The following HUNK variants were observed in gnomAD, a reference collection of about 807,000 sequenced individuals.
The protein encoded by HUNK is hormonally up-regulated neu tumor-associated kinase.
HUNK carries 21 observed loss-of-function variants against 61.0 expected under a neutral mutation model. That is an observed-to-expected ratio of 0.34 (90% CI 0.24 to 0.50). The LOEUF is 0.50. Ranked by LOEUF, HUNK falls within the 20% of genes least tolerant of loss-of-function variation. The pLI is 0.98. For missense variants in HUNK, 772 were observed against 945.7 expected, an observed-to-expected ratio of 0.82 and a Z score of 2.41; for synonymous variants, 371 against 386.1, an observed-to-expected ratio of 0.96 and a Z score of 0.46.
At chr21:31,886,081 G>T (rs943629584) in intron 1 of HUNK, among the ~76,000 whole-genome samples, 2 of 152,062 alleles carry the variant, frequency 1.3e-5, no homozygotes, top group African/African-American at 4.8e-5. Flanking sequence ...TTGGATCAGG[G>T]CCCACCTTAA....
chr21:32,000,813 G>C lies in HUNK; in HGVS notation c.*1629G>C. 1 of 398,410 alleles carries C rather than the reference G, an allele frequency of 2.5e-6. No homozygotes were observed. The highest frequency in any genetic ancestry group is 4.4e-6 in the Non-Finnish European group (1 of 226,102). The allele number at this position is 398,410 out of a possible 1,614,324, so 24.7% of individuals were successfully genotyped here. A position where few individuals can be genotyped will look rare whatever the true frequency, so the allele number is the denominator to read the frequency against. On this transcript the variant is annotated 3_prime_UTR_variant, in exon 11 of 11. Coordinates refer to ENST00000270112, the MANE Select transcript of HUNK (RefSeq NM_014586.2). ...GTCCCTCACATCTCTGACAGAGCGG[G>C]ACAGAATGGATATTTGGCTGACCTT...
chr21:31,916,621 C>T (rs909852921), intron 1 of HUNK, among the ~76,000 whole-genome samples: 2 of 151,838 alleles, frequency 1.3e-5, no homozygotes, highest in Admixed American at 6.6e-5. Flanking sequence ...GCTTCCCTTT[C>T]GTGCAGGGCA....
At chr21:31,902,536 A>G (rs944710808) in intron 1 of HUNK, among the ~76,000 whole-genome samples, 11 of 152,124 alleles carry the variant, frequency 7.2e-5, no homozygotes, top group African/African-American at 2.7e-4. Flanking sequence ...TCTTCCTCGT[A>G]GGGCTTGTGG....
chr21:31,997,560 A>G (rs754650405), intron 10 of HUNK, among the ~76,000 whole-genome samples: 7 of 152,194 alleles, frequency 4.6e-5, no homozygotes, highest in Non-Finnish European at 5.9e-5. Context: ...AGGCAGTAAA[A>G]TGGTGGTTGC....
chr21:31,975,778 T>G (rs918125133), intron 7 of HUNK, among the ~76,000 whole-genome samples: 2 of 152,244 alleles, frequency 1.3e-5, no homozygotes, highest in African/African-American at 4.8e-5. Flanking sequence ...CTACCTGCAG[T>G]TGGGGAAATG....
intron 2 of HUNK, among the ~76,000 whole-genome samples, chr21:31,938,737 G>A (rs1044896904): frequency 1.2e-4 from 18 of 152,320 alleles, no homozygotes; most frequent in African/African-American, 4.3e-4. Context: ...GAGAACGTGT[G>A]TTTGTATGTG....
intron 4 of HUNK, among the ~76,000 whole-genome samples, chr21:31,948,244 C>G (rs1165695968): frequency 6.6e-6 from 1 of 152,220 alleles, no homozygotes; most frequent in Non-Finnish European, 1.5e-5. Flanking sequence ...GCCCGCTCCC[C>G]TCCTCTCCCC....
chr21:31,964,759 C>T (rs567813075), intron 5 of HUNK, among the ~76,000 whole-genome samples: 11 of 152,258 alleles, frequency 7.2e-5, no homozygotes, highest in Admixed American at 1.3e-4. Flanking sequence ...AATTCGTCAG[C>T]GGAGATTTGA....
intron 1 of HUNK, among the ~76,000 whole-genome samples, chr21:31,903,378 C>T (rs1384771770): frequency 6.6e-6 from 1 of 151,972 alleles, no homozygotes; most frequent in Non-Finnish European, 1.5e-5. Flanking sequence ...ATTCATGGTG[C>T]TGCGTGTGTA....
intron 1 of HUNK, among the ~76,000 whole-genome samples, chr21:31,882,546 A>G (rs1282029313): frequency 6.6e-6 from 1 of 152,128 alleles, no homozygotes; most frequent in Non-Finnish European, 1.5e-5. Context: ...TTCTTTATTG[A>G]TACATAATAT....
At chr21:31,883,327 G>A (rs149028296) in intron 1 of HUNK, among the ~76,000 whole-genome samples, 144 of 152,138 alleles carry the variant, frequency 9.5e-4, no homozygotes, top group African/African-American at 3.3e-3. Flanking sequence ...TTTGCCAATC[G>A]AGTGTATTAA....
At position 31,961,072 on chromosome 21, in the gene HUNK, G is replaced by A. The variant is rs193158127; in HGVS notation, c.874+2102G>A. ...CAGTTCCCTCACAAGGATCCCTCGT[G>A]CTGCTCCTCTGTAGCCACAGCTACC... On this transcript the variant is annotated intron_variant, in intron 5 of 10. Coordinates refer to ENST00000270112, the MANE Select transcript of HUNK (RefSeq NM_014586.2). Among the ~76,000 whole-genome samples, 7 of 152,280 alleles carry A rather than the reference G, an allele frequency of 4.6e-5. No homozygotes were observed. The East Asian group carries it at 1.4e-3, about 29-fold the overall frequency.
chr21:31,937,602 G>C (rs2052741028), intron 2 of HUNK, among the ~76,000 whole-genome samples: 1 of 152,176 alleles, frequency 6.6e-6, no homozygotes, highest in African/African-American at 2.4e-5. Flanking sequence ...AAGTCATCCT[G>C]GTTCTGCCTG....
At chr21:31,958,793 C>T (rs1050388064) in intron 4 of HUNK, 50 bp from the exon 5 acceptor site, 3 of 1,513,172 alleles carry the variant, frequency 2.0e-6, no homozygotes, top group Non-Finnish European at 2.7e-6. Flanking sequence ...CCAGTCTTCC[C>T]CTCCCCAGGG....
At chr21:31,945,254 A>G (rs2052794097) in intron 3 of HUNK, among the ~76,000 whole-genome samples, 1 of 152,204 alleles carries the variant, frequency 6.6e-6, no homozygotes, top group Non-Finnish European at 1.5e-5. Context: ...CAGTTTCAGT[A>G]TCTTTAAGAT....
rs1106541 is a variant in HUNK at position 31,977,793 on chromosome 21, G to A, written c.1173+3076G>A. 4.2e-3 allele frequency among the ~76,000 whole-genome samples: 633 copies of A among 152,358 alleles called. 5 individuals are homozygous for A. Among genetic ancestry groups the A allele is most frequent in the African/African-American group, 0.015 (609 of 41,598 alleles). On this transcript the variant is annotated intron_variant, in intron 7 of 10. Transcript: ENST00000270112. ...TGGAGCCTCGACTTCCTGGGCTCAAGCCATCCTGCTATAGTCCCAGCTACT... is the reference window on the plus strand; with the variant it reads ...TGGAGCCTCGACTTCCTGGGCTCAAACCATCCTGCTATAGTCCCAGCTACT...
chr21:31,934,764 A>AT (rs577562699), intron 2 of HUNK, among the ~76,000 whole-genome samples: 101 of 149,982 alleles, frequency 6.7e-4, no homozygotes, highest in African/African-American at 2.0e-3. Flanking sequence ...GCAATATTTG[A>AT]TTTTTTTTTT....
intron 1 of HUNK, among the ~76,000 whole-genome samples, chr21:31,898,358 C>T (rs941792599): frequency 6.6e-6 from 1 of 152,140 alleles, no homozygotes; most frequent in African/African-American, 2.4e-5. Flanking sequence ...CTCCGCCTCC[C>T]AGTTTCAAGT....
intron 6 of HUNK, among the ~76,000 whole-genome samples, chr21:31,969,817 T>G (rs2052997670): frequency 1.3e-5 from 2 of 152,172 alleles, no homozygotes; most frequent in South Asian, 4.1e-4. Flanking sequence ...TCCTCCTGCC[T>G]CTCAAGGTGC....
Sources: gnomAD v4.1 joint callset for allele counts (sites outside exome capture counted in the v4.1 genomes callset) on GRCh38, gnomAD v4.1.1 for gene constraint, MANE v1.5 for transcripts, NCBI Gene and HGNC (gene_info 2026-07-23, HGNC 2026-07-21) for gene names.